Variants in CPNE4 observed in about 807,000 individuals in gnomAD.
The protein encoded by CPNE4 is copine-4.
Under a neutral mutation model 67.9 loss-of-function variants are expected in CPNE4, and 25 were observed. The observed-to-expected ratio is 0.37, with a 90% CI of 0.27 to 0.51. CPNE4 has a LOEUF of 0.51. Ranked by LOEUF, CPNE4 falls within the 20% of genes least tolerant of loss-of-function variation. The pLI is 0.93. For missense variants in CPNE4, 464 were observed against 690.8 expected, an observed-to-expected ratio of 0.67 and a Z score of 3.68; for synonymous variants, 242 against 244.9, an observed-to-expected ratio of 0.99 and a Z score of 0.11.
intron 2 of CPNE4, among the ~76,000 whole-genome samples, chr3:131,848,962 A>AAAAAAAAC (rs2086118631): frequency 1.1e-5 from 1 of 91,168 alleles, no homozygotes; most frequent in African/African-American, 3.3e-5. Flanking sequence ...ATTACAAAAA[A>AAAAAAAAC]AAAAAAAAAA....
At chr3:131,763,538 G>T (rs755222782) in intron 2 of CPNE4, among the ~76,000 whole-genome samples, 1 of 152,066 alleles carries the variant, frequency 6.6e-6, no homozygotes, top group Non-Finnish European at 1.5e-5. Context: ...GAAGTCCTAG[G>T]CTAGCTAATG....
chr3:131,879,413 T>G (rs185150608), intron 2 of CPNE4, among the ~76,000 whole-genome samples: 1 of 152,306 alleles, frequency 6.6e-6, no homozygotes, highest in Admixed American at 6.5e-5. Context: ...ATTAACATAC[T>G]CTATCTTCTA....
intron 1 of CPNE4, among the ~76,000 whole-genome samples, chr3:132,009,739 A>T (rs1421380061): frequency 2.0e-5 from 3 of 152,230 alleles, no homozygotes; most frequent in African/African-American, 7.2e-5. Flanking sequence ...ACATTTAGTT[A>T]TGTAAGTAAC....
At chr3:131,678,079 CA>C (rs1459804128) in intron 6 of CPNE4, among the ~76,000 whole-genome samples, 1 of 152,052 alleles carries the variant, frequency 6.6e-6, no homozygotes, top group African/African-American at 2.4e-5. Flanking sequence ...AATAATTTGC[CA>C]TTTCTTTGTG....
intron 1 of CPNE4, among the ~76,000 whole-genome samples, chr3:132,025,803 T>G (rs2074103068): frequency 6.6e-6 from 1 of 152,186 alleles, no homozygotes; most frequent in Admixed American, 6.5e-5. Context: ...AATTCAAACC[T>G]AGGAATTCCT....
chr3:131,914,608 G>GA (rs1373781016), intron 1 of CPNE4, among the ~76,000 whole-genome samples: 1 of 149,158 alleles, frequency 6.7e-6, no homozygotes, highest in African/African-American at 2.5e-5. Context: ...AAGAGGTTGG[G>GA]AAAAGGAGAA....
chr3:131,959,304 C>T lies in CPNE4; in HGVS notation c.-1-53860G>A, dbSNP rs540887065. ...CGTGAGCCACCGCGCCCGGCCGATA[C>T]ACCTTTCTAAGTTTCAATTATCCTA... On this transcript the variant is annotated intron_variant, in intron 1 of 15. Coordinates refer to ENST00000429747, the MANE Select transcript of CPNE4 (RefSeq NM_130808.3). 9.1e-4 allele frequency among the ~76,000 whole-genome samples: 133 copies of T among 145,826 alleles called. 1 individual carries two copies. The East Asian group carries it at 0.026, about 28-fold the overall frequency.
chr3:131,871,325 A>G (rs1019203899), intron 2 of CPNE4, among the ~76,000 whole-genome samples: 1 of 152,076 alleles, frequency 6.6e-6, no homozygotes, highest in Non-Finnish European at 1.5e-5. Flanking sequence ...CCTGATAAGA[A>G]GAGTTGCTGG....
chr3:131,693,088 T>C (rs955430368), intron 5 of CPNE4, among the ~76,000 whole-genome samples: 5 of 152,190 alleles, frequency 3.3e-5, no homozygotes, highest in African/African-American at 1.2e-4. Flanking sequence ...CTCACTCTCA[T>C]TGAAGAGTGT....
chr3:131,927,620 T>A (rs1225047), intron 1 of CPNE4, among the ~76,000 whole-genome samples: 1 of 152,016 alleles, frequency 6.6e-6, no homozygotes, highest in African/African-American at 2.4e-5. Context: ...GCCAATCAAT[T>A]TTTGTTAACT....
chr3:131,910,391 T>C (rs1033818946), intron 1 of CPNE4, among the ~76,000 whole-genome samples: 12 of 152,048 alleles, frequency 7.9e-5, no homozygotes, highest in Non-Finnish European at 1.3e-4. Context: ...GGCTTATGGG[T>C]TGTAATGTTT....
At chr3:131,863,099 A>G (rs1228953189) in intron 2 of CPNE4, among the ~76,000 whole-genome samples, 3 of 152,094 alleles carry the variant, frequency 2.0e-5, no homozygotes, top group Non-Finnish European at 4.4e-5. Context: ...TTCTTAATCC[A>G]GTCTATCATT....
chr3:132,001,666 C>G (rs576292238), intron 1 of CPNE4, among the ~76,000 whole-genome samples: 1 of 151,794 alleles, frequency 6.6e-6, no homozygotes, highest in Non-Finnish European at 1.5e-5. Context: ...ACTAAGTATT[C>G]GATTCAAAGC....
intron 7 of CPNE4, among the ~76,000 whole-genome samples, chr3:131,587,936 T>G (rs1938291457): frequency 6.6e-6 from 1 of 152,172 alleles, no homozygotes; most frequent in African/African-American, 2.4e-5. Context: ...CCAGTACTCT[T>G]TTAGGCATAG....
intron 2 of CPNE4, among the ~76,000 whole-genome samples, chr3:131,883,905 T>C (rs1298018435): frequency 6.6e-6 from 1 of 152,246 alleles, no homozygotes; most frequent in Non-Finnish European, 1.5e-5. Context: ...TTTATTCTGT[T>C]GGAATACTCT....
At chr3:132,038,892 C>A (rs967785181), upstream of CPNE4, among the ~76,000 whole-genome samples, 20 of 152,092 alleles carry the variant, frequency 1.3e-4, no homozygotes, top group Non-Finnish European at 2.8e-4. Context: ...GTGTTTAGCT[C>A]CAAACCTTCA....
chr3:131,693,909 A>AT (rs1482138549), intron 5 of CPNE4, among the ~76,000 whole-genome samples: 3 of 152,220 alleles, frequency 2.0e-5, no homozygotes, highest in Non-Finnish European at 1.5e-5. Flanking sequence ...TCTTGCACTG[A>AT]TTTTTTTGTG....
intron 2 of CPNE4, among the ~76,000 whole-genome samples, chr3:131,727,794 C>G (rs2082036066): frequency 1.3e-5 from 2 of 152,180 alleles, no homozygotes; most frequent in Admixed American, 6.5e-5. Flanking sequence ...TACTGATCTG[C>G]TTTCTGAGAC....
At chr3:131,591,922 T>C (rs1938553787) in intron 7 of CPNE4, among the ~76,000 whole-genome samples, 1 of 152,158 alleles carries the variant, frequency 6.6e-6, no homozygotes, top group Non-Finnish European at 1.5e-5. Flanking sequence ...CCTTGACACA[T>C]CTGTGAGAGC....
Sources: gnomAD v4.1 joint callset for allele counts (sites outside exome capture counted in the v4.1 genomes callset) on GRCh38, gnomAD v4.1.1 for gene constraint, MANE v1.5 for transcripts, NCBI Gene and HGNC (gene_info 2026-07-23, HGNC 2026-07-21) for gene names.